The following BAG3 variants were observed in gnomAD, a reference collection of about 807,000 sequenced individuals.
The protein encoded by BAG3 is BAG family molecular chaperone regulator 3.
A neutral mutation model predicts 40.5 loss-of-function variants in BAG3; 14 were observed. The observed-to-expected ratio is 0.35, with a 90% CI of 0.23 to 0.54. The LOEUF (loss-of-function observed/expected upper bound fraction) is 0.54, where lower values mean the gene tolerates loss of function less well. BAG3 is among the 20% of genes least tolerant of loss of function. BAG3 has a pLI of 0.91. For synonymous variants in BAG3, 302 were observed against 307.8 expected, an observed-to-expected ratio of 0.98 and a Z score of 0.20; for missense variants, 788 against 758.6, an observed-to-expected ratio of 1.04 and a Z score of -0.46.
intron 1 of BAG3, among the ~76,000 whole-genome samples, chr10:119,668,916 C>T (rs185341178): frequency 6.3e-4 from 96 of 152,206 alleles, no homozygotes; most frequent in Non-Finnish European, 1.2e-3. Context: ...ACAACACGGG[C>T]GATTGGGAAT....
Position 119,676,659 on chromosome 10 carries a change from G to C in BAG3, c.1105G>C (p.Ala369Pro), listed in dbSNP as rs772900053. 1 of 1,614,132 alleles carries C rather than the reference G, an allele frequency of 6.2e-7. No homozygotes were observed. The highest frequency in any genetic ancestry group is 8.5e-7 in the Non-Finnish European group (1 of 1,180,034). ...GAAGGTAGAGGTGAAAGTTCCCCCT[G>C]CTCCAGTTCCTTGTCCTCCTCCCAG... ...SEKVEVKVPPAPVPCPPPSPG... is the reference protein window; with the variant it reads ...SEKVEVKVPPPPVPCPPPSPG... The change falls in exon 4 of 4, where the codon GCT becomes CCT. Residue 369 changes from alanine to proline, a missense_variant. Physicochemically the swap from Ala to Pro is conservative, Grantham distance 27. Coordinates refer to ENST00000369085, the MANE Select transcript of BAG3 (RefSeq NM_004281.4).
At chr10:119,675,182 A>G (rs1847202406) in intron 3 of BAG3, among the ~76,000 whole-genome samples, 1 of 152,088 alleles carries the variant, frequency 6.6e-6, no homozygotes, top group South Asian at 2.1e-4. Context: ...AAAATAGAAA[A>G]ATTAGCCAGG....
intron 1 of BAG3, among the ~76,000 whole-genome samples, chr10:119,666,631 T>C (rs1207769111): frequency 2.5e-5 from 1 of 39,574 alleles, no homozygotes; most frequent in Admixed American, 2.6e-4. Context: ...CGTGGCTGGC[T>C]CAAGGGCTTT....
At chr10:119,676,367 C>A in intron 3 of BAG3, 97 bp from the exon 4 acceptor site, 2 of 1,316,902 alleles carry the variant, frequency 1.5e-6, no homozygotes, top group Non-Finnish European at 2.1e-6. Flanking sequence ...TTTTAAAAAG[C>A]CATTTCTCAG....
At position 119,674,740 on chromosome 10, in the gene BAG3, G is replaced by A. The variant is rs138587085; in HGVS notation, c.910-1724G>A. ...TCCTAGCACTTTGGGAGGCCGAGGC[G>A]GGGGTATCACTTAAGGTCAGGAGTT... On this transcript the variant is annotated intron_variant, in intron 3 of 3. Transcript: ENST00000369085. Among the ~76,000 whole-genome samples, 682 of 152,116 alleles carry A rather than the reference G, an allele frequency of 4.5e-3. 3 individuals are homozygous for A. The highest frequency in any genetic ancestry group is 0.026 in the East Asian group (136 of 5,176).
intron 1 of BAG3, among the ~76,000 whole-genome samples, chr10:119,661,250 AC>A (rs1846987776): frequency 6.6e-6 from 1 of 152,124 alleles, no homozygotes; most frequent in African/African-American, 2.4e-5. Context: ...ACAGAGCGAG[AC>A]TCAGTCTCCA....
chr10:119,656,150 C>T (rs1464016398), intron 1 of BAG3, among the ~76,000 whole-genome samples: 2 of 152,146 alleles, frequency 1.3e-5, no homozygotes, highest in Non-Finnish European at 2.9e-5. Context: ...TTAAGTTTTG[C>T]TGTTTTAATA....
At chr10:119,653,039 C>G (rs1435894053) in intron 1 of BAG3, among the ~76,000 whole-genome samples, 1 of 152,184 alleles carries the variant, frequency 6.6e-6, no homozygotes, top group Admixed American at 6.5e-5. Flanking sequence ...AAAAACTCAC[C>G]AAATTAAAAC....
At chr10:119,657,491 G>C (rs1244958994) in intron 1 of BAG3, 1 of 469,708 alleles carries the variant, frequency 2.1e-6, no homozygotes, top group African/African-American at 2.0e-5. Flanking sequence ...TGGAACGAGT[G>C]ACTGTGGAGA....
intron 1 of BAG3, chr10:119,656,643 T>C (rs890859579): frequency 1.3e-5 from 2 of 152,184 alleles, no homozygotes; most frequent in Admixed American, 6.5e-5. Context: ...GTGAGGTATC[T>C]GGTGTTACTA....
chr10:119,674,243 G>T (rs1589631103), intron 3 of BAG3, among the ~76,000 whole-genome samples: 1 of 152,240 alleles, frequency 6.6e-6, no homozygotes, highest in Admixed American at 6.5e-5. Flanking sequence ...TGGTTGGGTT[G>T]TGAGTGGTAA....
At chr10:119,657,314 GTC>G in intron 1 of BAG3, 1 of 333,460 alleles carries the variant, frequency 3.0e-6, no homozygotes, top group Non-Finnish European at 5.9e-6. Flanking sequence ...GAAGCAGGCT[GTC>G]TCTCTTCTGG....
In BAG3 at chr10:119,669,977, G is replaced by T; in HGVS notation, c.307G>T (p.Ala103Ser). 1 of 1,614,206 alleles carries T rather than the reference G, an allele frequency of 6.2e-7. No individual in the cohort carries two copies. Among genetic ancestry groups the T allele is most frequent in the Non-Finnish European group, 8.5e-7 (1 of 1,180,034 alleles). Residue 103 changes from alanine (A) to serine (S), a missense_variant, in exon 2 of 4, where the codon GCT becomes TCT. Coordinates refer to ENST00000369085, the MANE Select transcript of BAG3 (RefSeq NM_004281.4). The part of the protein sequence containing the change: ...YIPIPVLHEG[A>S]ENRQVHPFHV... The stretch of plus-strand genomic sequence containing the variant: ...TCCCATTCCTGTGCTCCATGAAGGC[G>T]CTGAGAACCGGCAGGTGCACCCTTT...
At chr10:119,661,553 T>C (rs767980800) in intron 1 of BAG3, among the ~76,000 whole-genome samples, 1 of 152,124 alleles carries the variant, frequency 6.6e-6, no homozygotes, top group Non-Finnish European at 1.5e-5. Context: ...AGAGAAGCAA[T>C]GTTGGTTTCA....
chr10:119,677,383 T>C lies in BAG3; in HGVS notation c.*101T>C. 2 of 1,444,684 alleles carry C rather than the reference T, an allele frequency of 1.4e-6. No individual in the cohort carries two copies. The highest frequency in any genetic ancestry group is 1.9e-6 in the Non-Finnish European group (2 of 1,043,984). The allele number at this position is 1,444,684 out of a possible 1,614,324, so 89.5% of individuals were successfully genotyped here. A position where few individuals can be genotyped will look rare whatever the true frequency, so the allele number is the denominator to read the frequency against. Reference sequence around the variant, plus strand: ...TTTAAGTCAGTTGGTTTTTATTAGCTGCTTGGTATGCAGTAACTTGGGTGG... The same window carrying C: ...TTTAAGTCAGTTGGTTTTTATTAGCCGCTTGGTATGCAGTAACTTGGGTGG... On this transcript the variant is annotated 3_prime_UTR_variant, in exon 4 of 4. Coordinates refer to ENST00000369085, the MANE Select transcript of BAG3 (RefSeq NM_004281.4).
chr10:119,655,000 A>G (rs1434425620), intron 1 of BAG3, among the ~76,000 whole-genome samples: 7 of 152,154 alleles, frequency 4.6e-5, no homozygotes, highest in African/African-American at 1.7e-4. Flanking sequence ...TGAATTGCTC[A>G]GTGTAGGGCC....
In BAG3 at chr10:119,672,262, A is replaced by G. The variant is rs1847160177; in HGVS notation, c.515A>G (p.Gln172Arg). 1.2e-6 allele frequency: 2 copies of G among 1,613,174 alleles called. No homozygotes were observed. Among genetic ancestry groups the G allele is most frequent in the African/African-American group, 1.3e-5 (1 of 74,910 alleles). ...PPASHGPERS[Q>R]SPAASDCSSS... ...ACCCTGTGTCTCTTGCAGCGGTCCC[A>G]GTCTCCAGCTGCCTCTGACTGCTCA... Residue 172 changes from glutamine to arginine, a missense_variant, in exon 3 of 4, where the codon CAG (glutamine) becomes CGG (arginine). Coordinates refer to ENST00000369085, the MANE Select transcript of BAG3 (RefSeq NM_004281.4). This position sits in a 1 kb window ranked among gnomAD's most constrained non-coding sequence, Gnocchi z 4.8.
intron 1 of BAG3, among the ~76,000 whole-genome samples, chr10:119,666,577 C>T (rs941557224): frequency 6.9e-5 from 10 of 145,300 alleles, no homozygotes; most frequent in African/African-American, 2.6e-4. Context: ...AGGTGCTCAG[C>T]GAGATGCACG....
intron 1 of BAG3, 66 bp from the exon 2 acceptor site, chr10:119,669,767 GCCAAGCGCCACAGTGTTT>G: frequency 7.2e-7 from 1 of 1,385,282 alleles, no homozygotes; most frequent in Non-Finnish European, 1.0e-6. Context: ...AGATCACAAT[GCCAAGCGCCACAGTGTTT>G]CCTCTGCCAG....
Sources: gnomAD v4.1 joint callset for allele counts (sites outside exome capture counted in the v4.1 genomes callset) on GRCh38, gnomAD v4.1.1 for gene constraint, Gnocchi (gnomAD v3.1) non-coding constraint, MANE v1.5 for transcripts, NCBI Gene and HGNC (gene_info 2026-07-23, HGNC 2026-07-21) for gene names.